The following FMN2 variants were observed in gnomAD, a reference collection of about 807,000 sequenced individuals.
The protein encoded by FMN2 is formin-2.
FMN2 carries 51 observed loss-of-function variants against 142.3 expected under a neutral mutation model. The ratio of observed to expected loss-of-function variants is 0.36; its 90% confidence interval spans 0.29 to 0.45. The LOEUF (loss-of-function observed/expected upper bound fraction) is 0.45, where lower values mean the gene tolerates loss of function less well. FMN2 is among the 20% of genes least tolerant of loss of function. FMN2 has a pLI of 1.00. For missense variants in FMN2, 1,936 were observed against 2,122.8 expected (o/e 0.91, Z 1.73); for synonymous variants, 882 against 869.8 (o/e 1.01, Z -0.25).
At chr1:240,273,088 C>T (rs1047314253) in intron 7 of FMN2, among the ~76,000 whole-genome samples, 5 of 152,088 alleles carry the variant, frequency 3.3e-5, no homozygotes, top group Non-Finnish European at 7.4e-5. Flanking sequence ...AATGGTGGAA[C>T]TTAAGAGGAG....
At chr1:240,346,970 A>G (rs920918138) in intron 13 of FMN2, among the ~76,000 whole-genome samples, 1 of 152,256 alleles carries the variant, frequency 6.6e-6, no homozygotes, top group Non-Finnish European at 1.5e-5. Flanking sequence ...GGCATATTTT[A>G]TGGTCAACAA....
intron 7 of FMN2, among the ~76,000 whole-genome samples, chr1:240,292,772 C>T (rs1444676404): frequency 6.6e-6 from 1 of 152,118 alleles, no homozygotes; most frequent in Non-Finnish European, 1.5e-5. Context: ...TGTAATCTTT[C>T]CCAAATTGCT....
At chr1:240,113,301 C>A (rs563318360) in intron 1 of FMN2, among the ~76,000 whole-genome samples, 61 of 152,158 alleles carry the variant, frequency 4.0e-4, no homozygotes, top group African/African-American at 1.4e-3. Flanking sequence ...CGGTGGTGCG[C>A]ACCTGTAATC....
At chr1:240,257,095 G>A (rs2102896022) in intron 6 of FMN2, among the ~76,000 whole-genome samples, 1 of 152,298 alleles carries the variant, frequency 6.6e-6, no homozygotes, top group Non-Finnish European at 1.5e-5. Context: ...AACACTGGGA[G>A]TAAATAGAAA....
chr1:240,174,270 A>G (rs892420103), intron 2 of FMN2, among the ~76,000 whole-genome samples: 4 of 152,180 alleles, frequency 2.6e-5, no homozygotes, highest in Non-Finnish European at 5.9e-5. Context: ...AACTGTAGCT[A>G]ACTGTAGCTA....
chr1:240,317,573 A>T (rs536786519), intron 8 of FMN2, among the ~76,000 whole-genome samples: 1 of 152,158 alleles, frequency 6.6e-6, no homozygotes, highest in Non-Finnish European at 1.5e-5. Context: ...GTGCCTCAGT[A>T]GTTCATTTCA....
At chr1:240,202,003 T>C (rs942599343) in intron 4 of FMN2, among the ~76,000 whole-genome samples, 3 of 152,206 alleles carry the variant, frequency 2.0e-5, no homozygotes, top group African/African-American at 7.2e-5. Flanking sequence ...AATGTTGTTG[T>C]AGAGAAGCTT....
intron 14 of FMN2, among the ~76,000 whole-genome samples, chr1:240,392,197 A>T (rs1393435662): frequency 6.6e-6 from 1 of 151,868 alleles, no homozygotes; most frequent in East Asian, 1.9e-4. Context: ...GACACATCTG[A>T]TGTAAATATG....
At chr1:240,307,947 C>A (rs1454167782) in intron 8 of FMN2, among the ~76,000 whole-genome samples, 1 of 152,238 alleles carries the variant, frequency 6.6e-6, no homozygotes, top group Non-Finnish European at 1.5e-5. Context: ...AGAGATCATT[C>A]ACCTTCTTGG....
chr1:240,207,394 T>C lies in FMN2; in HGVS notation c.2582T>C (p.Leu861Pro). ...TGTAACATCCCATCTCCACCACCTC[T>C]GCCTTGCACAGAGTCCTCCAGCTCC... ...NSCNIPSPPPLPCTESSSSMP... is the reference protein window; with the variant it reads ...NSCNIPSPPPPPCTESSSSMP... Residue 861 changes from leucine to proline, a missense_variant, in exon 5 of 18, where the codon CTG (leucine) becomes CCG (proline). Leu to Pro is a moderately conservative substitution (Grantham distance 98, BLOSUM62 -3). This residue lies in a region of FMN2 where 478 missense variants were observed against 462.8 expected (regional missense o/e 1.03). Coordinates refer to ENST00000319653, the MANE Select transcript of FMN2 (RefSeq NM_020066.5). 6.2e-7 allele frequency: 1 copy of C among 1,613,884 alleles called. No individual in the cohort carries two copies. The highest frequency in any genetic ancestry group is 8.5e-7 in the Non-Finnish European group (1 of 1,179,894).
At chr1:240,110,629 A>G (rs1331959339) in intron 1 of FMN2, among the ~76,000 whole-genome samples, 2 of 152,204 alleles carry the variant, frequency 1.3e-5, no homozygotes, top group African/African-American at 4.8e-5. Context: ...ATGACTGCAA[A>G]GCTGATTCTA....
Position 240,208,411 on chromosome 1 carries a change from C to A in FMN2, c.3599C>A (p.Pro1200His), listed in dbSNP as rs752900929. The A allele has an allele frequency of 2.5e-6, 4 of 1,590,724 alleles. No homozygotes were observed. The Admixed American group carries it at 6.7e-5, about 27-fold the overall frequency. ...GGAGTGGGAATACCTCCTCCGCCCC[C>A]TCTACCTGGTGCTGGGATTCCCCCA... is the stretch of plus-strand genomic sequence containing the variant. ...LPGVGIPPPP[P>H]LPGAGIPPPP... The change falls in exon 5 of 18, where the codon CCT (proline) becomes CAT (histidine). Residue 1200 changes from proline (P) to histidine (H), a missense_variant. Coordinates refer to ENST00000319653, the MANE Select transcript of FMN2 (RefSeq NM_020066.5).
intron 1 of FMN2, among the ~76,000 whole-genome samples, chr1:240,114,504 C>T (rs1262675595): frequency 6.6e-6 from 1 of 152,132 alleles, no homozygotes; most frequent in Non-Finnish European, 1.5e-5. Context: ...TGTGAATGAT[C>T]CCTGGGTTTG....
At chr1:240,105,100 CTTTTTTTTTT>C (rs57841541) in intron 1 of FMN2, among the ~76,000 whole-genome samples, 1 of 72,986 alleles carries the variant, frequency 1.4e-5, no homozygotes, top group Non-Finnish European at 2.6e-5. Context: ...GTTTATGCTT[CTTTTTTTTTT>C]TTTTTTTTTT....
intron 14 of FMN2, among the ~76,000 whole-genome samples, chr1:240,377,651 A>G (rs1673090503): frequency 6.6e-6 from 1 of 152,026 alleles, no homozygotes; most frequent in Admixed American, 6.6e-5. Flanking sequence ...CTTGTGATGT[A>G]TCACTCTGTC....
intron 16 of FMN2, among the ~76,000 whole-genome samples, chr1:240,452,425 T>C (rs1219506627): frequency 6.6e-6 from 1 of 152,136 alleles, no homozygotes; most frequent in African/African-American, 2.4e-5. Flanking sequence ...AACTCTTTAA[T>C]CTTTAAAATA....
In FMN2 at chr1:240,406,890, A is replaced by G. The variant is rs114761525; in HGVS notation, c.4910+14328A>G. 2.0e-3 allele frequency among the ~76,000 whole-genome samples: 308 copies of G among 152,334 alleles called. 1 individual carries two copies. The highest frequency in any genetic ancestry group is 7.0e-3 in the African/African-American group (291 of 41,574). On this transcript the variant is annotated intron_variant, in intron 15 of 17. Coordinates refer to ENST00000319653, the MANE Select transcript of FMN2 (RefSeq NM_020066.5). ...TAGTGAAACAATCAAGCTTACAGATATAACCATCCTGAAAAGAGAAAATTT... is the reference window on the plus strand; with the variant it reads ...TAGTGAAACAATCAAGCTTACAGATGTAACCATCCTGAAAAGAGAAAATTT...
At chr1:240,334,825 A>G (rs1572205057) in intron 13 of FMN2, among the ~76,000 whole-genome samples, 1 of 152,314 alleles carries the variant, frequency 6.6e-6, no homozygotes, top group East Asian at 1.9e-4. Context: ...AATTCCTGCT[A>G]TCCCCTTTTC....
Position 240,091,943 on chromosome 1 carries a change from C to T in FMN2, c.-167C>T. 2 of 1,166,362 alleles carry T rather than the reference C, an allele frequency of 1.7e-6. No homozygotes were observed. The highest frequency in any genetic ancestry group is 2.3e-6 in the Non-Finnish European group (2 of 887,150). The allele number at this position is 1,166,362 out of a possible 1,614,324, so 72.3% of individuals were successfully genotyped here. A position where few individuals can be genotyped will look rare whatever the true frequency, so the allele number is the denominator to read the frequency against. The stretch of plus-strand genomic sequence containing the variant: ...CGCCGCGCATTATGCAAAGCGGCGG[C>T]AGATGCGAGCGGGGCCAGCCGGGCG... On this transcript the variant is annotated 5_prime_UTR_variant, in exon 1 of 18. Transcript: ENST00000319653.
Sources: gnomAD v4.1 joint callset for allele counts (sites outside exome capture counted in the v4.1 genomes callset) on GRCh38, gnomAD v4.1.1 for gene constraint, gnomAD v4.1.1 regional missense constraint, MANE v1.5 for transcripts, NCBI Gene and HGNC (gene_info 2026-07-23, HGNC 2026-07-21) for gene names.